ARHGAP31: variants seen among roughly 807,000 people sequenced by gnomAD.
ARHGAP31 encodes rho GTPase-activating protein 31.
A neutral mutation model predicts 113.9 loss-of-function variants in ARHGAP31; 34 were observed. The ratio of observed to expected loss-of-function variants is 0.30; its 90% confidence interval spans 0.23 to 0.40. ARHGAP31 has a LOEUF of 0.40. Among genes scored for constraint, ARHGAP31 ranks in the 10% least tolerant of loss-of-function variants. The pLI is 1.00. For synonymous variants in ARHGAP31, 650 were observed against 684.8 expected, an observed-to-expected ratio of 0.95 and a Z score of 0.79; for missense variants, 1,548 against 1,767.1, an observed-to-expected ratio of 0.88 and a Z score of 2.22.
intron 10 of ARHGAP31, among the ~76,000 whole-genome samples, chr3:119,405,262 T>G (rs2080649643): frequency 6.6e-6 from 1 of 152,198 alleles, no homozygotes; most frequent in Non-Finnish European, 1.5e-5. Flanking sequence ...CAGGCTAAGC[T>G]GCTATAATAT....
chr3:119,357,196 C>T (rs1357846719), intron 1 of ARHGAP31, among the ~76,000 whole-genome samples: 2 of 152,088 alleles, frequency 1.3e-5, no homozygotes, highest in African/African-American at 2.4e-5. Context: ...GATAAGAACA[C>T]GGAGGAAGGA....
At chr3:119,367,822 A>T (rs924457368) in intron 2 of ARHGAP31, among the ~76,000 whole-genome samples, 1 of 147,812 alleles carries the variant, frequency 6.8e-6, no homozygotes, top group Admixed American at 7.1e-5. Context: ...GTGCTGCTAC[A>T]CTCCAGCCTG....
At chr3:119,382,480 A>C in intron 5 of ARHGAP31, 81 bp downstream of exon 5, 4 of 1,348,906 alleles carry the variant, frequency 3.0e-6, no homozygotes, top group Non-Finnish European at 4.2e-6. Context: ...GGATTCTTCA[A>C]ATTGAAGCCC....
chr3:119,388,413 T>C lies in ARHGAP31; in HGVS notation c.683-2372T>C, dbSNP rs186176383. The stretch of plus-strand genomic sequence containing the variant: ...AGGGGAAGCAGATGAAATATCCTTT[T>C]AGGTCATGCGAAGAGACGGGTTTGT... On this transcript the variant is annotated intron_variant, in intron 6 of 11. Transcript: ENST00000264245. Among the ~76,000 whole-genome samples, 316 of 151,896 alleles carry C rather than the reference T, an allele frequency of 2.1e-3. 1 individual carries two copies. Among genetic ancestry groups the C allele is most frequent in the African/African-American group, 7.0e-3 (289 of 41,414 alleles).
At chr3:119,323,443 A>G (rs1002617710) in intron 1 of ARHGAP31, among the ~76,000 whole-genome samples, 1 of 152,022 alleles carries the variant, frequency 6.6e-6, no homozygotes, top group African/African-American at 2.4e-5. Flanking sequence ...GAGAGCCAAG[A>G]CGTTGGGCTT....
chr3:119,411,191 G>A (rs918037275), intron 11 of ARHGAP31, among the ~76,000 whole-genome samples: 2 of 152,156 alleles, frequency 1.3e-5, no homozygotes, highest in East Asian at 3.9e-4. Flanking sequence ...AGGGATTTGG[G>A]GTTTAACCTA....
chr3:119,381,099 T>C, intron 4 of ARHGAP31, 113 bp downstream of exon 4: 2 of 1,047,202 alleles, frequency 1.9e-6, no homozygotes, highest in South Asian at 1.3e-5. Context: ...AGTTTAGGCT[T>C]TCCCAAGGGC....
In ARHGAP31 at chr3:119,364,346, A is replaced by G. The variant is rs150322635; in HGVS notation, c.101-970A>G. On this transcript the variant is annotated intron_variant, in intron 1 of 11. Coordinates refer to ENST00000264245, the MANE Select transcript of ARHGAP31 (RefSeq NM_020754.4). Reference sequence around the variant, plus strand: ...TTTCTTCCAGTCTTTTTTCCTTCGAATTTTTTTAAATCTAAACTGAATTTA... The same window carrying G: ...TTTCTTCCAGTCTTTTTTCCTTCGAGTTTTTTTAAATCTAAACTGAATTTA... Among the ~76,000 whole-genome samples, 344 of 152,120 alleles carry G rather than the reference A, an allele frequency of 2.3e-3. 4 individuals carry two copies. The highest frequency in any genetic ancestry group is 7.8e-3 in the African/African-American group (323 of 41,506).
chr3:119,336,097 C>A (rs541420930), intron 1 of ARHGAP31, among the ~76,000 whole-genome samples: 2 of 152,266 alleles, frequency 1.3e-5, no homozygotes, highest in Non-Finnish European at 1.5e-5. Flanking sequence ...ATCGCTTGAA[C>A]CTGGGAGGCG....
chr3:119,375,682 A>G (rs1320183201), intron 3 of ARHGAP31, among the ~76,000 whole-genome samples: 1 of 152,230 alleles, frequency 6.6e-6, no homozygotes, highest in Non-Finnish European at 1.5e-5. Context: ...CGGTCCAGCT[A>G]AAACTATTAC....
At position 119,304,894 on chromosome 3, in the gene ARHGAP31, C is replaced by CAAAATAAAATAAAAT. The variant is rs71156741; in HGVS notation, c.100+9925_100+9939dup. ...TGAGTGACAGAGTGAGACTCTGTCT[C>CAAAATAAAATAAAAT]AAAATAAAATAAAATAAAATAAAAT... On this transcript the variant is annotated intron_variant, in intron 1 of 11. Coordinates refer to ENST00000264245, the MANE Select transcript of ARHGAP31 (RefSeq NM_020754.4). Among the ~76,000 whole-genome samples, 6 of 144,958 alleles carry CAAAATAAAATAAAAT rather than the reference C, an allele frequency of 4.1e-5. No individual in the cohort carries two copies. The East Asian group carries it at 8.2e-4, about 20-fold the overall frequency.
intron 1 of ARHGAP31, among the ~76,000 whole-genome samples, chr3:119,303,324 G>T (rs954654610): frequency 6.6e-6 from 1 of 152,326 alleles, no homozygotes; most frequent in Middle Eastern, 3.4e-3. Context: ...CCCCACAGGG[G>T]TTCATAGCTA....
Position 119,414,377 on chromosome 3 carries a change from T to G in ARHGAP31, c.2448T>G (p.Asp816Glu). 3 of 1,614,116 alleles carry G rather than the reference T, an allele frequency of 1.9e-6. No individual in the cohort carries two copies. Among genetic ancestry groups the G allele is most frequent in the Non-Finnish European group, 2.5e-6 (3 of 1,180,030 alleles). Residue 816 changes from aspartate to glutamate, a missense_variant, in exon 12 of 12, where the codon GAT becomes GAG. Physicochemically the swap from Asp to Glu is conservative, Grantham distance 45 (BLOSUM62 2). Coordinates refer to ENST00000264245, the MANE Select transcript of ARHGAP31 (RefSeq NM_020754.4). ...REDSSRKLRTDLYIDQLKSQD... is the reference protein window; with the variant it reads ...REDSSRKLRTELYIDQLKSQD... ...ACTCATCCAGGAAATTGAGGACAGA[T>G]CTCTACATAGACCAGCTGAAGTCCC...
In ARHGAP31 at chr3:119,402,413, A is replaced by C; in HGVS notation, c.1645+16A>C. The C allele has an allele frequency of 6.2e-7, 1 of 1,610,094 alleles. No individual in the cohort carries two copies. The highest frequency in any genetic ancestry group is 1.1e-5 in the South Asian group (1 of 90,968). ...ACTTCTGCAGGTAAGTAGAGGAGAGAGGGTATCTTTCCGTTGCAAGAGAGA... is the reference window on the plus strand; with the variant it reads ...ACTTCTGCAGGTAAGTAGAGGAGAGCGGGTATCTTTCCGTTGCAAGAGAGA... On this transcript the variant is annotated intron_variant, in intron 10 of 11. Coordinates refer to ENST00000264245, the MANE Select transcript of ARHGAP31 (RefSeq NM_020754.4).
chr3:119,361,140 C>T (rs2080202793), intron 1 of ARHGAP31, among the ~76,000 whole-genome samples: 1 of 152,158 alleles, frequency 6.6e-6, no homozygotes. Context: ...TAACAATAGC[C>T]ACTGCAACAC....
rs2080768490 is a variant in ARHGAP31 at position 119,415,571 on chromosome 3, G to A, written c.3642G>A (p.Gln1214=). Residue 1214 remains glutamine, a synonymous_variant, in exon 12 of 12, where the codon CAG becomes CAA. Transcript: ENST00000264245. ...PPKIQYTQIP[Q]PLPSQSSGEN... ...AGATTCAGTACACCCAGATCCCACA[G>A]CCCCTGCCCTCTCAGAGCTCAGGGG... 2.5e-6 allele frequency: 4 copies of A among 1,614,022 alleles called. No individual in the cohort carries two copies. Among genetic ancestry groups the A allele is most frequent in the Non-Finnish European group, 3.4e-6 (4 of 1,180,032 alleles).
Position 119,416,286 on chromosome 3 carries a change from C to G in ARHGAP31, c.*22C>G. 1 of 1,611,452 alleles carries G rather than the reference C, an allele frequency of 6.2e-7. No individual in the cohort carries two copies. The highest frequency in any genetic ancestry group is 8.5e-7 in the Non-Finnish European group (1 of 1,179,996). On this transcript the variant is annotated 3_prime_UTR_variant, in exon 12 of 12. Transcript: ENST00000264245. ...ATGATTTCGGTTCACCTGCTGGTGT[C>G]TGAAAAAAACCGTGATTCATCTGGA...
intron 1 of ARHGAP31, among the ~76,000 whole-genome samples, chr3:119,362,580 G>C (rs567021435): frequency 4.6e-5 from 7 of 151,882 alleles, no homozygotes; most frequent in Admixed American, 4.6e-4. Context: ...CTAGCCTGGC[G>C]AACATAGTGA....
chr3:119,319,505 A>C (rs1303755304), intron 1 of ARHGAP31, among the ~76,000 whole-genome samples: 1 of 152,142 alleles, frequency 6.6e-6, no homozygotes, highest in African/African-American at 2.4e-5. Flanking sequence ...TGCATTCCAT[A>C]AATTGCAGGA....
Sources: gnomAD v4.1 joint callset for allele counts (sites outside exome capture counted in the v4.1 genomes callset) on GRCh38, gnomAD v4.1.1 for gene constraint, MANE v1.5 for transcripts, NCBI Gene and HGNC (gene_info 2026-07-23, HGNC 2026-07-21) for gene names.